TRIM24: variants seen among roughly 807,000 people sequenced by gnomAD.
TRIM24 encodes tripartite motif containing 24.
A neutral mutation model predicts 123.9 loss-of-function variants in TRIM24; 29 were observed. The observed-to-expected ratio is 0.23, with a 90% CI of 0.17 to 0.32. TRIM24 has a LOEUF of 0.32. Ranked by LOEUF, TRIM24 falls within the 10% of genes least tolerant of loss-of-function variation. The pLI is 1.00. For synonymous variants in TRIM24, 456 were observed against 461.1 expected (o/e 0.99, Z 0.14); for missense variants, 932 against 1,295.3 (o/e 0.72, Z 4.31).
intron 1 of TRIM24, among the ~76,000 whole-genome samples, chr7:138,497,393 C>CTTTTTTT (rs869232002): frequency 3.7e-4 from 33 of 88,310 alleles, no homozygotes; most frequent in African/African-American, 1.4e-3. Context: ...ATTACAATTT[C>CTTTTTTT]TTTTTTTTTT....
intron 11 of TRIM24, among the ~76,000 whole-genome samples, chr7:138,572,177 G>A (rs1797671137): frequency 6.6e-6 from 1 of 152,000 alleles, no homozygotes; most frequent in Non-Finnish European, 1.5e-5. Flanking sequence ...TTTTAAAATA[G>A]TTTTGTATAC....
In TRIM24 at chr7:138,503,629, T is replaced by G. The variant is rs956398818; in HGVS notation, c.365-661T>G. 1.1e-4 allele frequency among the ~76,000 whole-genome samples: 17 copies of G among 151,908 alleles called. 1 individual carries two copies. The highest frequency in any genetic ancestry group is 2.9e-5 in the Non-Finnish European group (2 of 67,956). The stretch of plus-strand genomic sequence containing the variant: ...TGGCATCAAGTTTATATTAGAGTTT[T>G]TTTTTTTTTTTAATACTTTAAGTTT... On this transcript the variant is annotated intron_variant, in intron 1 of 18. Transcript: ENST00000343526.
At chr7:138,579,609 A>G in intron 15 of TRIM24, 77 bp downstream of exon 15, 1 of 1,288,372 alleles carries the variant, frequency 7.8e-7, no homozygotes, top group Non-Finnish European at 1.1e-6. Context: ...CCTTTGAAAA[A>G]ACTTAAATGA....
chr7:138,462,873 T>G (rs1482880214), intron 1 of TRIM24, among the ~76,000 whole-genome samples: 1 of 148,086 alleles, frequency 6.8e-6, no homozygotes. Context: ...TATTTATTTA[T>G]TTATTTTTTT....
At chr7:138,544,343 G>T (rs541450930) in intron 7 of TRIM24, among the ~76,000 whole-genome samples, 2 of 152,254 alleles carry the variant, frequency 1.3e-5, no homozygotes, top group African/African-American at 4.8e-5. Context: ...ATCACAAATA[G>T]CAGGATTTCT....
chr7:138,520,928 A>T (rs1796492384), intron 4 of TRIM24, among the ~76,000 whole-genome samples: 1 of 152,194 alleles, frequency 6.6e-6, no homozygotes, highest in Non-Finnish European at 1.5e-5. Flanking sequence ...AGGAAGCAAT[A>T]CTCGAAGACA....
intron 1 of TRIM24, among the ~76,000 whole-genome samples, chr7:138,464,017 C>T (rs1369841753): frequency 7.1e-4 from 6 of 8,494 alleles, no homozygotes; most frequent in Admixed American, 1.3e-3. Context: ...TTTTTTGAGA[C>T]GGAGTCTCGC....
intron 6 of TRIM24, among the ~76,000 whole-genome samples, chr7:138,531,243 TACATGTTAC>T (rs1796731548): frequency 6.8e-6 from 1 of 146,398 alleles, no homozygotes; most frequent in Admixed American, 6.8e-5. Flanking sequence ...TGTTACACGT[TACATGTTAC>T]ATATGTTACA....
At position 138,570,987 on chromosome 7, in the gene TRIM24, T is replaced by C; in HGVS notation, c.1862T>C (p.Leu621Pro). The stretch of plus-strand genomic sequence containing the variant: ...TCACCAGTGGGAGGGTCTTATAATC[T>C]TCCCTCTCTTCCGGATGTAAGTAGA... ...LSSPVGGSYNLPSLPDIDCSS... is the reference protein window; with the variant it reads ...LSSPVGGSYNPPSLPDIDCSS... The change falls in exon 11 of 19, where the codon CTT (leucine) becomes CCT (proline). Residue 621 changes from leucine (L) to proline (P), a missense_variant. By Grantham distance (98) the Leu-to-Pro change is moderately conservative. Coordinates refer to ENST00000343526, the MANE Select transcript of TRIM24 (RefSeq NM_015905.3). The C allele has an allele frequency of 6.2e-7, 1 of 1,613,892 alleles. No individual in the cohort carries two copies. Among genetic ancestry groups the C allele is most frequent in the Non-Finnish European group, 8.5e-7 (1 of 1,179,880 alleles).
intron 1 of TRIM24, among the ~76,000 whole-genome samples, chr7:138,501,931 A>G (rs1163531721): frequency 6.6e-6 from 1 of 151,896 alleles, no homozygotes; most frequent in South Asian, 2.1e-4. Flanking sequence ...ACCGTCATGC[A>G]GCTCATGATT....
chr7:138,504,409 G>T lies in TRIM24; in HGVS notation c.483+1G>T. 2 of 1,395,772 alleles carry T rather than the reference G, an allele frequency of 1.4e-6. No individual in the cohort carries two copies. Among genetic ancestry groups the T allele is most frequent in the Non-Finnish European group, 1.9e-6 (2 of 1,036,008 alleles). 86.5% of individuals were successfully genotyped at this position (1,395,772 alleles called of 1,614,324 possible). A position where few individuals can be genotyped will look rare whatever the true frequency, so the allele number is the denominator to read the frequency against. On this transcript the variant is annotated splice_donor_variant, in intron 2 of 18. Transcript: ENST00000343526. LOFTEE classifies it high-confidence loss of function. ...CAGTACAGTAGAAAAGTCAAATCAG[G>T]TAAGTGTATTACATCTTGAACCTTT...
chr7:138,533,747 A>T (rs937353774), intron 6 of TRIM24, among the ~76,000 whole-genome samples: 1 of 152,082 alleles, frequency 6.6e-6, no homozygotes, highest in African/African-American at 2.4e-5. Context: ...GTTAGGGAGG[A>T]TTCCCTGTTT....
chr7:138,580,024 T>TA (rs1331204727), intron 15 of TRIM24, among the ~76,000 whole-genome samples: 1 of 152,198 alleles, frequency 6.6e-6, no homozygotes, highest in Non-Finnish European at 1.5e-5. Flanking sequence ...CCACAGTTTA[T>TA]TATGTCTTTT....
At chr7:138,471,975 A>G (rs530833512) in intron 1 of TRIM24, among the ~76,000 whole-genome samples, 2 of 152,310 alleles carry the variant, frequency 1.3e-5, no homozygotes, top group South Asian at 4.1e-4. Context: ...AGTGTTTTAC[A>G]GGGTCATGCT....
intron 10 of TRIM24, among the ~76,000 whole-genome samples, chr7:138,570,092 T>G (rs1797622423): frequency 6.6e-6 from 1 of 151,944 alleles, no homozygotes; most frequent in African/African-American, 2.4e-5. Flanking sequence ...GGATTACAGG[T>G]GCCCACCACC....
chr7:138,551,214 G>A, intron 8 of TRIM24, 34 bp downstream of exon 8: 5 of 1,523,160 alleles, frequency 3.3e-6, no homozygotes, highest in Non-Finnish European at 4.6e-6. Context: ...TTTCTCAGTG[G>A]CATTTGTCTG....
intron 11 of TRIM24, among the ~76,000 whole-genome samples, chr7:138,572,015 G>A (rs987067843): frequency 4.6e-5 from 7 of 152,076 alleles, no homozygotes; most frequent in African/African-American, 1.4e-4. Flanking sequence ...ATGTTAAGAA[G>A]CTTTTAGGAA....
At chr7:138,565,777 G>C (rs1317718150) in intron 9 of TRIM24, among the ~76,000 whole-genome samples, 1 of 152,198 alleles carries the variant, frequency 6.6e-6, no homozygotes, top group East Asian at 1.9e-4. Flanking sequence ...GGCGTGGTGG[G>C]AATCTAATGG....
At chr7:138,529,327 A>C (rs1324697505) in intron 6 of TRIM24, 97 bp downstream of exon 6, 2 of 620,906 alleles carry the variant, frequency 3.2e-6, no homozygotes, top group African/African-American at 3.8e-5. Context: ...TAGTTGTTTC[A>C]TTGTGATTTA....
Sources: gnomAD v4.1 joint callset for allele counts (sites outside exome capture counted in the v4.1 genomes callset) on GRCh38, gnomAD v4.1.1 for gene constraint, MANE v1.5 for transcripts, NCBI Gene and HGNC (gene_info 2026-07-23, HGNC 2026-07-21) for gene names.